The following PLOD2 variants were observed in gnomAD, a reference collection of about 807,000 sequenced individuals.
PLOD2 encodes lysine hydroxylase 2.
PLOD2 carries 65 observed loss-of-function variants against 101.0 expected under a neutral mutation model. The ratio of observed to expected loss-of-function variants is 0.64; its 90% CI spans 0.53 to 0.79. The LOEUF (loss-of-function observed/expected upper bound fraction) is 0.79. Among genes scored for constraint, PLOD2 ranks in the 30% least tolerant of loss-of-function variants. The pLI, the probability that PLOD2 is intolerant of heterozygous loss-of-function variation, is 0.00. For missense variants in PLOD2, 909 were observed against 914.6 expected, an observed-to-expected ratio of 0.99 and a Z score of 0.08; for synonymous variants, 314 against 302.9, an observed-to-expected ratio of 1.04 and a Z score of -0.38.
intron 11 of PLOD2, among the ~76,000 whole-genome samples, chr3:146,083,706 C>T (rs189859857): frequency 6.6e-6 from 1 of 151,566 alleles, no homozygotes; most frequent in East Asian, 1.9e-4. Flanking sequence ...CTCAGCTTCC[C>T]GAGTAGCTGG....
chr3:146,102,261 T>C (rs1181572903), intron 7 of PLOD2, among the ~76,000 whole-genome samples: 3 of 152,208 alleles, frequency 2.0e-5, no homozygotes, highest in Admixed American at 6.5e-5. Context: ...ATTATACACA[T>C]TTGAAACAGA....
chr3:146,085,489 AT>A (rs1240114448), intron 10 of PLOD2: 4 of 538,736 alleles, frequency 7.4e-6, no homozygotes, highest in African/African-American at 1.9e-5. Flanking sequence ...CACCTCTAAA[AT>A]TTTAAGCCAG....
chr3:146,104,421 T>G, intron 5 of PLOD2, 79 bp from the exon 6 acceptor site: 1 of 787,056 alleles, frequency 1.3e-6, no homozygotes, highest in South Asian at 1.4e-5. Context: ...TATAGTTTGT[T>G]CTTTGAGGGA....
chr3:146,117,310 T>G (rs1296210450), intron 3 of PLOD2, among the ~76,000 whole-genome samples: 1 of 152,178 alleles, frequency 6.6e-6, no homozygotes, highest in Non-Finnish European at 1.5e-5. Context: ...TCCTGAATTC[T>G]GGACCTTTAC....
rs553283228 is a variant in PLOD2 at position 146,080,737 on chromosome 3, A to T, written c.1358+1001T>A. ...GATGTGCCCAAAGATACAATCAGGT[A>T]TATTGTCTATACAACTCACCCAGAG... On this transcript the variant is annotated intron_variant, in intron 12 of 19. Coordinates refer to ENST00000282903, the MANE Select transcript of PLOD2 (RefSeq NM_182943.3). 3.3e-5 allele frequency among the ~76,000 whole-genome samples: 5 copies of T among 152,250 alleles called. No homozygotes were observed. In the East Asian group the frequency reaches 9.6e-4, roughly 29 times the overall value.
At chr3:146,116,513 T>A (rs1445982439) in intron 3 of PLOD2, among the ~76,000 whole-genome samples, 1 of 152,116 alleles carries the variant, frequency 6.6e-6, no homozygotes, top group African/African-American at 2.4e-5. Flanking sequence ...AGAAAATAAG[T>A]ATATCAATGG....
At chr3:146,145,967 C>T (rs141751027) in intron 1 of PLOD2, among the ~76,000 whole-genome samples, 47 of 152,254 alleles carry the variant, frequency 3.1e-4, no homozygotes, top group African/African-American at 1.1e-3. Context: ...CCGTCTCTTC[C>T]ATAAAAGTTA....
At chr3:146,070,908 T>C (rs751246469) in intron 19 of PLOD2, 36 bp from the exon 20 acceptor site, 3 of 1,570,342 alleles carry the variant, frequency 1.9e-6, no homozygotes, top group South Asian at 1.1e-5. Flanking sequence ...CATCAGATTA[T>C]ATTTAACCAG....
chr3:146,151,691 G>A (rs540444593), intron 1 of PLOD2, among the ~76,000 whole-genome samples: 123 of 152,232 alleles, frequency 8.1e-4, no homozygotes, highest in African/African-American at 2.8e-3. Flanking sequence ...GTGCTTCTCA[G>A]ATTTGCTCCG....
At chr3:146,148,438 T>C (rs1392193718) in intron 1 of PLOD2, among the ~76,000 whole-genome samples, 1 of 151,012 alleles carries the variant, frequency 6.6e-6, no homozygotes, top group Non-Finnish European at 1.5e-5. Context: ...TATACCTAAA[T>C]ACGAAGAATA....
intron 1 of PLOD2, among the ~76,000 whole-genome samples, chr3:146,158,442 C>A (rs1191281710): frequency 3.3e-5 from 5 of 152,104 alleles, no homozygotes; most frequent in Non-Finnish European, 5.9e-5. Context: ...CAACAAAGCA[C>A]CAGAGCTAGG....
chr3:146,135,530 G>A (rs533865690), intron 1 of PLOD2, among the ~76,000 whole-genome samples: 1 of 151,976 alleles, frequency 6.6e-6, no homozygotes, highest in Non-Finnish European at 1.5e-5. Context: ...GTGCCAAGTT[G>A]GAGATCTAAA....
intron 3 of PLOD2, among the ~76,000 whole-genome samples, chr3:146,114,251 G>A (rs938967537): frequency 6.6e-6 from 1 of 151,150 alleles, no homozygotes. Flanking sequence ...TTGCCTCTGT[G>A]TGCCTCTGTG....
chr3:146,101,105 C>T (rs1286178157), intron 7 of PLOD2, among the ~76,000 whole-genome samples: 1 of 152,120 alleles, frequency 6.6e-6, no homozygotes, highest in East Asian at 1.9e-4. Flanking sequence ...GGTAATGCTG[C>T]AAGTCTTAAT....
chr3:146,103,269 T>C (rs1419253603), intron 6 of PLOD2, among the ~76,000 whole-genome samples: 1 of 152,182 alleles, frequency 6.6e-6, no homozygotes, highest in Non-Finnish European at 1.5e-5. Flanking sequence ...ATAATAACAA[T>C]ATATGCATGG....
intron 1 of PLOD2, among the ~76,000 whole-genome samples, chr3:146,154,453 A>G (rs1417128126): frequency 6.7e-6 from 1 of 148,268 alleles, no homozygotes; most frequent in Non-Finnish European, 1.5e-5. Flanking sequence ...TTGTGAGAAG[A>G]CTAATAATAA....
At chr3:146,135,782 G>A (rs1030447878) in intron 1 of PLOD2, among the ~76,000 whole-genome samples, 2 of 151,626 alleles carry the variant, frequency 1.3e-5, no homozygotes, top group Admixed American at 6.6e-5. Flanking sequence ...GTATTTCTTC[G>A]AGATATTTCC....
At chr3:146,108,487 A>G (rs1452123953) in intron 4 of PLOD2, among the ~76,000 whole-genome samples, 3 of 152,172 alleles carry the variant, frequency 2.0e-5, no homozygotes, top group Non-Finnish European at 4.4e-5. Flanking sequence ...CTGGCCAAAA[A>G]CTATTTTTAA....
intron 1 of PLOD2, among the ~76,000 whole-genome samples, chr3:146,125,611 G>A (rs890832334): frequency 6.6e-6 from 1 of 151,954 alleles, no homozygotes; most frequent in African/African-American, 2.4e-5. Context: ...GTCGGGTATG[G>A]TGGCACACAC....
Sources: allele counts gnomAD v4.1 joint callset (sites outside exome capture counted in the v4.1 genomes callset), GRCh38; gene constraint gnomAD v4.1.1; transcripts MANE v1.5; gene names NCBI Gene and HGNC (gene_info 2026-07-23, HGNC 2026-07-21).